CELF2: variants seen among roughly 807,000 people sequenced by gnomAD.
CELF2 encodes the protein CUG triplet repeat RNA-binding protein 2.
Under a neutral mutation model 62.6 loss-of-function variants are expected in CELF2, and 8 were observed. The ratio of observed to expected loss-of-function variants is 0.13; its 90% CI spans 0.07 to 0.23. The LOEUF is 0.23. CELF2 is among the 10% of genes least tolerant of loss of function. The probability of loss-of-function intolerance (pLI) is 1.00; values close to 1 mark genes in which losing one functional copy is unlikely to be tolerated. For synonymous variants in CELF2, 258 were observed against 250.0 expected, an observed-to-expected ratio of 1.03 and a Z score of -0.30; for missense variants, 333 against 671.0, an observed-to-expected ratio of 0.50 and a Z score of 5.56.
chr10:11,111,808 C>G (rs2055248026), intron 1 of CELF2, among the ~76,000 whole-genome samples: 1 of 152,202 alleles, frequency 6.6e-6, no homozygotes, highest in South Asian at 2.1e-4. Flanking sequence ...AAGAACAAAT[C>G]AATACCTCAG....
intron 3 of CELF2, among the ~76,000 whole-genome samples, chr10:11,232,840 G>A (rs1392566380): frequency 6.6e-6 from 1 of 152,196 alleles, no homozygotes; most frequent in African/African-American, 2.4e-5. Context: ...ACTGTCATGA[G>A]GCTGTCAGAG....
chr10:10,870,413 CA>C (rs1201781321), intron 1 of CELF2, among the ~76,000 whole-genome samples: 1 of 152,076 alleles, frequency 6.6e-6, no homozygotes, highest in African/African-American at 2.4e-5. Flanking sequence ...ACAATTTGGA[CA>C]GCAGGGACCA....
intron 5 of CELF2, among the ~76,000 whole-genome samples, chr10:11,263,201 C>T (rs992650090): frequency 6.6e-6 from 1 of 152,082 alleles, no homozygotes; most frequent in Admixed American, 6.5e-5. Flanking sequence ...AGAAGGTAAC[C>T]TCACTGAAAT....
chr10:10,685,471 CT>C, the CELF2 span, among the ~76,000 whole-genome samples: 888 of 152,230 alleles, frequency 5.8e-3, 2 homozygotes, highest in Non-Finnish European at 8.2e-3. Flanking sequence ...AGAGCCGTAA[CT>C]TATAATGACA....
At chr10:11,135,675 C>T (rs1339635321) in intron 1 of CELF2, among the ~76,000 whole-genome samples, 1 of 152,226 alleles carries the variant, frequency 6.6e-6, no homozygotes, top group African/African-American at 2.4e-5. Context: ...TACACTTAGT[C>T]CTTTTCTCAT....
the CELF2 span, among the ~76,000 whole-genome samples, chr10:10,476,246 T>C: frequency 4.6e-5 from 7 of 152,288 alleles, no homozygotes; most frequent in East Asian, 1.3e-3. Context: ...ACTTTAGTCA[T>C]ACAGCTCTGC....
the CELF2 span, among the ~76,000 whole-genome samples, chr10:10,731,761 A>C: frequency 4.6e-5 from 7 of 152,302 alleles, no homozygotes; most frequent in South Asian, 1.5e-3. Flanking sequence ...TATAACCCTA[A>C]GAGCACTCGG....
At chr10:10,870,542 G>C (rs2060672991) in intron 1 of CELF2, among the ~76,000 whole-genome samples, 1 of 152,156 alleles carries the variant, frequency 6.6e-6, no homozygotes, top group South Asian at 2.1e-4. Context: ...CTTTCAGGAA[G>C]TCAGCCCTCT....
In CELF2 at chr10:11,247,912, CCCT is replaced by C. The variant is rs920592141; in HGVS notation, c.355-1233_355-1231del. On this transcript the variant is annotated intron_variant, in intron 3 of 12. Coordinates refer to ENST00000633077, the MANE Select transcript of CELF2 (RefSeq NM_001326342.2). The surrounding 1 kb of genome is among the most constrained non-coding windows in gnomAD (Gnocchi z 5.4). Reference sequence around the variant, plus strand: ...GCAGCTCACTTAGCCTCTTTCTTCTCCCTCCTCCTCTGTTCTGAAGACCCAGGC... The same window carrying C: ...GCAGCTCACTTAGCCTCTTTCTTCTCCCTCCTCTGTTCTGAAGACCCAGGC... 2.0e-5 allele frequency among the ~76,000 whole-genome samples: 3 copies of C among 152,164 alleles called. No individual in the cohort carries two copies. The highest frequency in any genetic ancestry group is 6.5e-5 in the Admixed American group (1 of 15,274).
At chr10:10,963,409 A>T (rs1263913455) in intron 2 of CELF2, among the ~76,000 whole-genome samples, 1 of 152,128 alleles carries the variant, frequency 6.6e-6, no homozygotes, top group Non-Finnish European at 1.5e-5. Flanking sequence ...TTCACACTTG[A>T]GGCTGTCATC....
chr10:10,796,988 G>T (rs1057428427), upstream of CELF2: 1 of 602,868 alleles, frequency 1.7e-6, no homozygotes, highest in African/African-American at 2.0e-5. Flanking sequence ...AAGTATCCAT[G>T]ACTGCTAAAG....
chr10:11,287,800 A>G (rs1416138481), intron 8 of CELF2, among the ~76,000 whole-genome samples: 3 of 152,250 alleles, frequency 2.0e-5, no homozygotes, highest in Non-Finnish European at 2.9e-5. Flanking sequence ...ATTTGCTTTC[A>G]TCATCTTATT....
chr10:10,673,551 T>C, the CELF2 span, among the ~76,000 whole-genome samples: 1 of 152,096 alleles, frequency 6.6e-6, no homozygotes, highest in East Asian at 1.9e-4. Context: ...TGTTCTAATT[T>C]TTATTATTTC....
the CELF2 span, among the ~76,000 whole-genome samples, chr10:10,529,557 G>A: frequency 2.0e-5 from 3 of 151,838 alleles, no homozygotes; most frequent in African/African-American, 4.8e-5. Context: ...GGTGGTGCGC[G>A]TCTGTAATCC....
chr10:10,617,397 A>G, the CELF2 span, among the ~76,000 whole-genome samples: 1 of 152,278 alleles, frequency 6.6e-6, no homozygotes, highest in East Asian at 1.9e-4. Context: ...GAAAGGCTAC[A>G]TGGTTATTAA....
intron 9 of CELF2, among the ~76,000 whole-genome samples, chr10:11,292,279 T>C (rs2092627705): frequency 6.6e-6 from 1 of 152,222 alleles, no homozygotes; most frequent in South Asian, 2.1e-4. Flanking sequence ...TTGGAGTGTT[T>C]GGACGTTGTT....
the CELF2 span, among the ~76,000 whole-genome samples, chr10:10,748,865 T>C: frequency 6.7e-6 from 1 of 149,486 alleles, no homozygotes. Context: ...CAGGTGGTGG[T>C]TGTGGAGATA....
intron 2 of CELF2, among the ~76,000 whole-genome samples, chr10:11,195,241 GCTGT>G (rs777843768): frequency 2.5e-4 from 38 of 152,200 alleles, no homozygotes; most frequent in Non-Finnish European, 5.1e-4. Context: ...TCCTCCAAGT[GCTGT>G]CTGAGAGTGT....
intron 2 of CELF2, among the ~76,000 whole-genome samples, chr10:10,954,975 T>C (rs1162570048): frequency 6.6e-6 from 1 of 152,274 alleles, no homozygotes; most frequent in Non-Finnish European, 1.5e-5. Context: ...CAACTGCCTA[T>C]TTCAAAGGCT....
Sources: allele counts gnomAD v4.1 joint callset (sites outside exome capture counted in the v4.1 genomes callset), GRCh38; gene constraint gnomAD v4.1.1; non-coding constraint Gnocchi (gnomAD v3.1); transcripts MANE v1.5; gene names NCBI Gene and HGNC (gene_info 2026-07-23, HGNC 2026-07-21).